Variants in GRSF1 observed in about 807,000 individuals in gnomAD.
The protein encoded by GRSF1 is G-rich sequence factor 1.
In GRSF1, 50 loss-of-function variants were observed where a neutral mutation model predicts 51.1. The observed-to-expected ratio is 0.98, with a 90% confidence interval of 0.78 to 1.24. The LOEUF (loss-of-function observed/expected upper bound fraction) is 1.24, where lower values mean the gene tolerates loss of function less well. Ranked by LOEUF, GRSF1 falls within the 50% of genes most tolerant of loss-of-function variation. The pLI is 0.00. For synonymous variants in GRSF1, 293 were observed against 253.3 expected, an observed-to-expected ratio of 1.16 and a Z score of -1.49; for missense variants, 700 against 639.7, an observed-to-expected ratio of 1.09 and a Z score of -1.02.
chr4:70,838,182 G>GCAC (rs1734295991), intron 1 of GRSF1, among the ~76,000 whole-genome samples: 1 of 126,370 alleles, frequency 7.9e-6, no homozygotes, highest in Non-Finnish European at 1.5e-5. Flanking sequence ...TCATTCCACT[G>GCAC]CACTCCAGCC....
At chr4:70,825,267 T>C in intron 8 of GRSF1, 29 bp downstream of exon 8, 1 of 1,549,932 alleles carries the variant, frequency 6.5e-7, no homozygotes, top group Non-Finnish European at 8.8e-7. Context: ...GCATCAAAAA[T>C]GACAACAAAA....
intron 9 of GRSF1, among the ~76,000 whole-genome samples, chr4:70,823,817 C>G (rs1347216034): frequency 6.6e-6 from 1 of 151,932 alleles, no homozygotes; most frequent in African/African-American, 2.4e-5. Context: ...CTGCAGTGAG[C>G]TATGATCGCA....
upstream of GRSF1, among the ~76,000 whole-genome samples, chr4:70,841,078 T>C (rs1378077568): frequency 3.3e-5 from 5 of 151,968 alleles, no homozygotes; most frequent in Non-Finnish European, 7.4e-5. Context: ...AGAGGATCAC[T>C]GGAGCCCAAG....
chr4:70,824,042 C>T (rs1733636027), intron 9 of GRSF1, among the ~76,000 whole-genome samples: 2 of 130,038 alleles, frequency 1.5e-5, no homozygotes, highest in African/African-American at 5.5e-5. Context: ...ACAATCTCAG[C>T]TCACTGCAAC....
chr4:70,827,648 T>C (rs977177143), intron 6 of GRSF1, among the ~76,000 whole-genome samples: 4 of 151,712 alleles, frequency 2.6e-5, no homozygotes, highest in African/African-American at 9.7e-5. Context: ...CGTGGCGGCA[T>C]GCGCCTGTAG....
intron 9 of GRSF1, 33 bp downstream of exon 9, chr4:70,824,261 C>T (rs1733644049): frequency 4.4e-6 from 4 of 911,668 alleles, no homozygotes; most frequent in Middle Eastern, 2.1e-4. Flanking sequence ...TGAGCCACTG[C>T]ACCCAGCCCA....
chr4:70,839,034 C>G (rs1288022771), intron 1 of GRSF1: 1 of 852,696 alleles, frequency 1.2e-6, no homozygotes, highest in African/African-American at 1.8e-5. Context: ...GACCGAGAGG[C>G]GCCGAGGGCC....
At chr4:70,835,495 C>T (rs1239706391) in intron 2 of GRSF1, among the ~76,000 whole-genome samples, 12 of 145,288 alleles carry the variant, frequency 8.3e-5, no homozygotes, top group South Asian at 4.5e-4. Flanking sequence ...CTCACTCTGT[C>T]GCCCAGGCTG....
chr4:70,839,919 G>T, upstream of GRSF1: 1 of 1,233,322 alleles, frequency 8.1e-7, no homozygotes. Flanking sequence ...GGGGTGGGGT[G>T]TGCCTGGCAC....
intron 9 of GRSF1, among the ~76,000 whole-genome samples, chr4:70,822,679 C>A (rs1257773408): frequency 6.6e-6 from 1 of 151,604 alleles, no homozygotes; most frequent in Admixed American, 6.6e-5. Flanking sequence ...AGTCACATAT[C>A]CAGTCTATTA....
At chr4:70,842,453 A>G (rs1369479390), upstream of GRSF1, among the ~76,000 whole-genome samples, 3 of 152,158 alleles carry the variant, frequency 2.0e-5, no homozygotes, top group Non-Finnish European at 4.4e-5. Context: ...TTATTTATAT[A>G]GAGACAGGGT....
chr4:70,840,677 C>T (rs1357642927), upstream of GRSF1, among the ~76,000 whole-genome samples: 2 of 152,092 alleles, frequency 1.3e-5, no homozygotes, highest in African/African-American at 4.8e-5. Flanking sequence ...GCAGGAGAAT[C>T]GCTTGAACCC....
intron 9 of GRSF1, among the ~76,000 whole-genome samples, chr4:70,821,148 C>T (rs1733478803): frequency 6.6e-6 from 1 of 152,192 alleles, no homozygotes; most frequent in South Asian, 2.1e-4. Context: ...CAGAAGAGGC[C>T]AGGCACGGTG....
In GRSF1 at chr4:70,826,512, G is replaced by A. The variant is rs183431772; in HGVS notation, c.1136-267C>T. Among the ~76,000 whole-genome samples the A allele has an allele frequency of 3.1e-3, 467 of 149,788 alleles. 4 individuals carry two copies. The highest frequency in any genetic ancestry group is 0.011 in the African/African-American group (450 of 40,720). Reference sequence around the variant, plus strand: ...AATGATTATGAATTAAACCCTAAAAGAGACTTTCTAGATTATAGGCACTGA... The same window carrying A: ...AATGATTATGAATTAAACCCTAAAAAAGACTTTCTAGATTATAGGCACTGA... On this transcript the variant is annotated intron_variant, in intron 6 of 9. Transcript: ENST00000254799.
intron 5 of GRSF1, among the ~76,000 whole-genome samples, chr4:70,829,538 C>T (rs1350808472): frequency 6.6e-6 from 1 of 152,046 alleles, no homozygotes; most frequent in African/African-American, 2.4e-5. Context: ...TCTGTAGTCC[C>T]AGCTACTTGG....
intron 6 of GRSF1, among the ~76,000 whole-genome samples, chr4:70,827,066 T>A (rs1215661790): frequency 6.6e-6 from 1 of 152,006 alleles, no homozygotes; most frequent in Admixed American, 6.6e-5. Context: ...GGCCGGCAGA[T>A]CACCTGAGGT....
At chr4:70,826,266 C>A in intron 6 of GRSF1, 21 bp from the exon 7 acceptor site, 3 of 1,585,898 alleles carry the variant, frequency 1.9e-6, no homozygotes, top group Non-Finnish European at 2.6e-6. Context: ...GAACAGAAAG[C>A]ACTGTTAAAA....
intron 1 of GRSF1, among the ~76,000 whole-genome samples, chr4:70,838,467 G>A (rs1734313853): frequency 6.6e-6 from 1 of 152,148 alleles, no homozygotes; most frequent in African/African-American, 2.4e-5. Context: ...AAAGTATTGG[G>A]CCAGGATTCA....
At position 70,817,741 on chromosome 4, in the gene GRSF1, T is replaced by C. The variant is rs1489998739; in HGVS notation, c.*3146A>G. On this transcript the variant is annotated 3_prime_UTR_variant, in exon 10 of 10. Coordinates refer to ENST00000254799, the MANE Select transcript of GRSF1 (RefSeq NM_002092.4). ...AACTAAACATACTCTTAACTTACAA[T>C]CCAGCAACCTGGTTCCTTGGTATTT... The C allele has an allele frequency of 1.3e-5, 2 of 152,156 alleles. No individual in the cohort carries two copies. Among genetic ancestry groups the C allele is most frequent in the Non-Finnish European group, 2.9e-5 (2 of 68,024 alleles). 9.4% of individuals were successfully genotyped at this position (152,156 alleles called of 1,614,324 possible).
Sources: allele counts gnomAD v4.1 joint callset (sites outside exome capture counted in the v4.1 genomes callset), GRCh38; gene constraint gnomAD v4.1.1; transcripts MANE v1.5; gene names NCBI Gene and HGNC (gene_info 2026-07-23, HGNC 2026-07-21).